EYS: variants seen among roughly 807,000 people sequenced by gnomAD.
EYS encodes the protein EGF-like photoreceptor maintenance factor, also known as protein eyes shut homolog.
A neutral mutation model predicts 282.1 loss-of-function variants in EYS; 250 were observed. The ratio of observed to expected loss-of-function variants is 0.89; its 90% CI spans 0.80 to 0.98. The LOEUF (loss-of-function observed/expected upper bound fraction) is 0.98, where lower values mean the gene tolerates loss of function less well. Ranked by LOEUF, EYS falls within the 50% of genes least tolerant of loss-of-function variation. The pLI is 0.00. For missense variants in EYS, 4,016 were observed against 3,709.0 expected (o/e 1.08, Z -2.15); for synonymous variants, 1,355 against 1,282.9 (o/e 1.06, Z -1.20).
intron 1 of EYS, among the ~76,000 whole-genome samples, chr6:65,659,875 G>A (rs527790919): frequency 6.6e-6 from 1 of 151,480 alleles, no homozygotes. Context: ...ACAAGGTTAT[G>A]GCTAATCAAA....
At chr6:65,372,130 G>C (rs901537919) in intron 8 of EYS, among the ~76,000 whole-genome samples, 2 of 151,566 alleles carry the variant, frequency 1.3e-5, no homozygotes, top group African/African-American at 4.8e-5. Flanking sequence ...CCTTATAGGA[G>C]ATTTAAAAAA....
rs201567780 is a variant in EYS, at chr6:64,821,460, GA to G, written c.3243+184del. On this transcript the variant is annotated intron_variant, in intron 21 of 42. Transcript: ENST00000503581. Reference sequence around the variant, plus strand: ...AGAGACAAAGAAAGAAAAGGTGGGGGAAAAAAAGCCATGATTTGTAGTTTTG... The same window carrying G: ...AGAGACAAAGAAAGAAAAGGTGGGGGAAAAAAGCCATGATTTGTAGTTTTG... Among the ~76,000 whole-genome samples, 245 of 151,774 alleles carry G rather than the reference GA, an allele frequency of 1.6e-3. 5 individuals carry two copies. In the East Asian group the frequency reaches 0.029, roughly 18 times the overall value.
intron 29 of EYS, among the ~76,000 whole-genome samples, chr6:64,382,734 C>G (rs1772786499): frequency 6.6e-6 from 1 of 152,160 alleles, no homozygotes; most frequent in African/African-American, 2.4e-5. Flanking sequence ...TGAAAACACA[C>G]AGATTAAGAG....
intron 41 of EYS, among the ~76,000 whole-genome samples, chr6:63,735,356 A>C (rs1768882209): frequency 6.6e-6 from 1 of 152,094 alleles, no homozygotes; most frequent in Non-Finnish European, 1.5e-5. Flanking sequence ...TTGAACTTAT[A>C]GATAAGTTGC....
chr6:65,126,134 T>G (rs1813358), intron 12 of EYS, among the ~76,000 whole-genome samples: 18,763 of 152,144 alleles, frequency 0.12, 1,591 homozygotes, highest in African/African-American at 0.24. Context: ...TACAGATTTG[T>G]GGCATCAACA....
intron 26 of EYS, among the ~76,000 whole-genome samples, chr6:64,581,414 G>T (rs553988978): frequency 9.2e-4 from 140 of 152,094 alleles, no homozygotes; most frequent in South Asian, 1.9e-3. Flanking sequence ...AAAATGTACC[G>T]TTACAGGTAA....
At chr6:65,468,467 C>G (rs1173848123) in intron 5 of EYS, among the ~76,000 whole-genome samples, 1 of 152,010 alleles carries the variant, frequency 6.6e-6, no homozygotes, top group East Asian at 1.9e-4. Flanking sequence ...TACAACATAA[C>G]AGCCAGCCTT....
chr6:64,439,393 A>C, intron 26 of EYS, 41 bp from the exon 27 acceptor site: 1 of 1,287,014 alleles, frequency 7.8e-7, no homozygotes, highest in Non-Finnish European at 1.0e-6. Context: ...GTTGAAATAA[A>C]TATTCAATAC....
At chr6:64,682,790 G>A (rs1210881916) in intron 22 of EYS, among the ~76,000 whole-genome samples, 1 of 151,964 alleles carries the variant, frequency 6.6e-6, no homozygotes, top group African/African-American at 2.4e-5. Context: ...TTTTTTTCCT[G>A]TTCTAAAGAA....
chr6:64,258,723 C>A (rs1053890325), intron 30 of EYS, among the ~76,000 whole-genome samples: 5 of 152,056 alleles, frequency 3.3e-5, no homozygotes, highest in Admixed American at 1.3e-4. Context: ...TGCTCACATT[C>A]TGAACTTTTT....
At chr6:64,234,258 C>T (rs980629311) in intron 30 of EYS, among the ~76,000 whole-genome samples, 3 of 149,676 alleles carry the variant, frequency 2.0e-5, no homozygotes, top group South Asian at 2.1e-4. Flanking sequence ...AGAAAACTCA[C>T]TTTTTTTTTT....
chr6:64,885,102 T>A (rs1236173453), intron 19 of EYS, among the ~76,000 whole-genome samples: 1 of 151,670 alleles, frequency 6.6e-6, no homozygotes, highest in Non-Finnish European at 1.5e-5. Flanking sequence ...TACTGTCAAG[T>A]CACTGGACCA....
intron 5 of EYS, among the ~76,000 whole-genome samples, chr6:65,412,427 C>G (rs1767057486): frequency 4.6e-5 from 7 of 152,136 alleles, no homozygotes; most frequent in Admixed American, 4.6e-4. Flanking sequence ...TCCAAAGTGG[C>G]TGTACTAGTT....
chr6:63,942,075 T>A (rs146908211), intron 35 of EYS, among the ~76,000 whole-genome samples: 1,608 of 152,318 alleles, frequency 0.011, 24 homozygotes, highest in African/African-American at 0.037. Flanking sequence ...GAAAACATGA[T>A]GTCTCTAATT....
intron 2 of EYS, among the ~76,000 whole-genome samples, chr6:65,638,588 G>T (rs1767170813): frequency 6.6e-6 from 1 of 152,214 alleles, no homozygotes; most frequent in Middle Eastern, 3.2e-3. Flanking sequence ...GGTGCCCACA[G>T]TGGAAGCTGC....
At chr6:63,919,515 G>A (rs1764512209) in intron 35 of EYS, among the ~76,000 whole-genome samples, 1 of 151,986 alleles carries the variant, frequency 6.6e-6, no homozygotes, top group African/African-American at 2.4e-5. Context: ...TCCCTTGATG[G>A]CAAAATGTAG....
chr6:64,950,585 A>C (rs1393369440), intron 14 of EYS, among the ~76,000 whole-genome samples: 1 of 151,362 alleles, frequency 6.6e-6, no homozygotes, highest in East Asian at 1.9e-4. Context: ...TTTTAGAGAA[A>C]GAAAAATGGT....
chr6:64,452,641 G>C (rs918569902), intron 26 of EYS, among the ~76,000 whole-genome samples: 1 of 152,102 alleles, frequency 6.6e-6, no homozygotes, highest in Non-Finnish European at 1.5e-5. Flanking sequence ...AAACAGCATG[G>C]TACTGGTACC....
intron 1 of EYS, among the ~76,000 whole-genome samples, chr6:65,658,140 T>C (rs995290749): frequency 6.6e-6 from 1 of 151,814 alleles, no homozygotes; most frequent in Non-Finnish European, 1.5e-5. Context: ...ATTTACTTTA[T>C]TGAGGTTGCC....
Sources: allele counts gnomAD v4.1 joint callset (sites outside exome capture counted in the v4.1 genomes callset), GRCh38; gene constraint gnomAD v4.1.1; transcripts MANE v1.5; gene names NCBI Gene and HGNC (gene_info 2026-07-23, HGNC 2026-07-21).